BOLL: variants seen among roughly 807,000 people sequenced by gnomAD.
The protein encoded by BOLL is boule RNA binding protein, also known as protein boule-like.
In BOLL, 23 loss-of-function variants were observed where a neutral mutation model predicts 44.4. The observed-to-expected ratio is 0.52, with a 90% CI of 0.37 to 0.73. BOLL has a LOEUF of 0.73. Among genes scored for constraint, BOLL ranks in the 30% least tolerant of loss-of-function variants. BOLL has a pLI of 0.00. For synonymous variants in BOLL, 97 were observed against 110.8 expected (o/e 0.88, Z 0.78); for missense variants, 287 against 338.3 (o/e 0.85, Z 1.19).
intron 9 of BOLL, among the ~76,000 whole-genome samples, chr2:197,752,406 A>AT (rs757770593): frequency 5.0e-4 from 76 of 152,318 alleles, no homozygotes; most frequent in Admixed American, 9.8e-4. Flanking sequence ...AAACCCCATC[A>AT]TCTCAGCCCC....
intron 9 of BOLL, among the ~76,000 whole-genome samples, chr2:197,754,709 G>A (rs1308748393): frequency 5.5e-5 from 8 of 146,188 alleles, no homozygotes; most frequent in East Asian, 2.0e-4. Flanking sequence ...GCAAGACTCC[G>A]TCTCAAAAAA....
chr2:197,761,313 G>T (rs1360905907), intron 7 of BOLL, among the ~76,000 whole-genome samples: 2 of 152,056 alleles, frequency 1.3e-5, no homozygotes, highest in Admixed American at 1.3e-4. Context: ...TCATAGACAA[G>T]CAAAAACTGA....
Position 197,756,423 on chromosome 2 carries a change from C to T in BOLL, c.729+5G>A, listed in dbSNP as rs775371078. On this transcript the variant is annotated splice_donor_5th_base_variant and intron_variant, in intron 9 of 10. Transcript: ENST00000392296. Reference sequence around the variant, plus strand: ...TAGATCAATTACTTTAAGACTAATACATACCTCTGGAACTGAAGTTTCCAT... The same window carrying T: ...TAGATCAATTACTTTAAGACTAATATATACCTCTGGAACTGAAGTTTCCAT... 1.9e-6 allele frequency: 3 copies of T among 1,601,234 alleles called. No individual in the cohort carries two copies. In the South Asian group the frequency reaches 3.4e-5, roughly 18 times the overall value.
intron 5 of BOLL, chr2:197,774,931 T>C (rs1689440772): frequency 1.3e-5 from 2 of 151,946 alleles, no homozygotes. Flanking sequence ...TGTTAACAGA[T>C]TATATATAAT....
At chr2:197,732,851 ATC>A in intron 10 of BOLL, among the ~76,000 whole-genome samples, 2 of 142,926 alleles carry the variant, frequency 1.4e-5, no homozygotes, top group Non-Finnish European at 3.1e-5. Flanking sequence ...CACAGCCAAT[ATC>A]ATACTGAATG....
chr2:197,756,641 T>C, intron 8 of BOLL, 85 bp from the exon 9 acceptor site: 7 of 1,302,644 alleles, frequency 5.4e-6, no homozygotes, highest in Non-Finnish European at 7.1e-6. Flanking sequence ...ATGAGAGAAG[T>C]ACTTGTTTTT....
chr2:197,766,746 T>A lies in BOLL; in HGVS notation c.481-143A>T, dbSNP rs999755891. The A allele has an allele frequency of 8.1e-6, 5 of 615,676 alleles. No individual in the cohort carries two copies. The Admixed American group carries it at 1.5e-4, about 18-fold the overall frequency. 38.1% of individuals were successfully genotyped at this position (615,676 alleles called of 1,614,324 possible). On this transcript the variant is annotated intron_variant, in intron 6 of 10. Transcript: ENST00000392296. Reference sequence around the variant, plus strand: ...ATTTTTCTACCTCTTATTGATATGATTACCAACTCTACTAAGTCTATTAAA... The same window carrying A: ...ATTTTTCTACCTCTTATTGATATGAATACCAACTCTACTAAGTCTATTAAA...
intron 5 of BOLL, 39 bp downstream of exon 5, chr2:197,775,626 G>A (rs1689475591): frequency 4.8e-6 from 6 of 1,260,432 alleles, no homozygotes; most frequent in African/African-American, 3.1e-5. Flanking sequence ...AAAGAACCAT[G>A]CAAAAATATT....
intron 6 of BOLL, among the ~76,000 whole-genome samples, chr2:197,770,495 T>C (rs1396754405): frequency 6.6e-6 from 1 of 152,030 alleles, no homozygotes; most frequent in Non-Finnish European, 1.5e-5. Context: ...AATTGACAAA[T>C]GGGATCTAAT....
At chr2:197,785,334 C>T, upstream of BOLL, 3 of 985,890 alleles carry the variant, frequency 3.0e-6, no homozygotes, top group Non-Finnish European at 3.6e-6. This position sits in a 1 kb window ranked among gnomAD's most constrained non-coding sequence, Gnocchi z 6.7. Context: ...CCCACCCTCG[C>T]GCGGCGCTCC....
chr2:197,766,321 A>C (rs1250534007), intron 7 of BOLL, among the ~76,000 whole-genome samples: 2 of 152,124 alleles, frequency 1.3e-5, no homozygotes, highest in African/African-American at 2.4e-5. Flanking sequence ...TATTCTCTGT[A>C]ACCTCGCCAG....
chr2:197,765,886 T>A (rs1424014340), intron 7 of BOLL, among the ~76,000 whole-genome samples: 1 of 151,614 alleles, frequency 6.6e-6, no homozygotes, highest in African/African-American at 2.4e-5. Context: ...TACTGTTCCC[T>A]TCTTTACGTT....
intron 10 of BOLL, among the ~76,000 whole-genome samples, chr2:197,729,250 T>G (rs2106303385): frequency 1.3e-5 from 2 of 152,142 alleles, no homozygotes; most frequent in Non-Finnish European, 2.9e-5. Flanking sequence ...TACTGCGCTT[T>G]TCCGACGGGC....
rs768964464 is a variant in BOLL, at chr2:197,743,166, C to CA, written c.730-8dup. The CA allele has an allele frequency of 1.9e-6, 3 of 1,557,496 alleles. No homozygotes were observed. The highest frequency in any genetic ancestry group is 2.0e-5 in the Admixed American group (1 of 50,318). ...CTCCATGATCAGAATAAGGCTATTA[C>CA]AAAAAAAGAGAGAAAAAATGTCACC... On this transcript the variant is annotated splice_region_variant and splice_polypyrimidine_tract_variant and intron_variant, in intron 9 of 10. Transcript: ENST00000392296.
rs967060873 is a variant in BOLL at position 197,728,404 on chromosome 2, T to A, written c.*151A>T. ...CAAATTTCATCAAATTTAGACAGCT[T>A]ATAGTGGAATAACTGAGTATGGTGA... On this transcript the variant is annotated 3_prime_UTR_variant, in exon 11 of 11. Coordinates refer to ENST00000392296, the MANE Select transcript of BOLL (RefSeq NM_033030.6). The A allele has an allele frequency of 7.7e-5, 96 of 1,253,222 alleles. No individual in the cohort carries two copies. In the African/African-American group the frequency reaches 9.5e-4, roughly 12 times the overall value. 77.6% of individuals were successfully genotyped at this position (1,253,222 alleles called of 1,614,324 possible).
chr2:197,763,973 A>G (rs138834823), intron 7 of BOLL, among the ~76,000 whole-genome samples: 176 of 152,370 alleles, frequency 1.2e-3, no homozygotes, highest in African/African-American at 3.5e-3. Context: ...GAAACTGTAA[A>G]TCAAAACCAC....
rs1443778751 is a variant in BOLL at position 197,727,630 on chromosome 2, C to T, written c.*925G>A. ...CAATTGTCCTTTTAAAAATTAATCACATATATAATTGAATATATTGGTTGC... is the reference window on the plus strand; with the variant it reads ...CAATTGTCCTTTTAAAAATTAATCATATATATAATTGAATATATTGGTTGC... On this transcript the variant is annotated 3_prime_UTR_variant, in exon 11 of 11. Transcript: ENST00000392296. The T allele has an allele frequency of 2.0e-5, 3 of 152,186 alleles. No individual in the cohort carries two copies. The highest frequency in any genetic ancestry group is 4.4e-5 in the Non-Finnish European group (3 of 68,018). 9.4% of individuals were successfully genotyped at this position (152,186 alleles called of 1,614,324 possible). A position where few individuals can be genotyped will look rare whatever the true frequency, so the allele number is the denominator to read the frequency against.
intron 9 of BOLL, among the ~76,000 whole-genome samples, chr2:197,752,336 A>G (rs1473239083): frequency 6.6e-6 from 1 of 152,212 alleles, no homozygotes; most frequent in African/African-American, 2.4e-5. Flanking sequence ...AGTGTATTCA[A>G]ATAGGAAGAC....
At chr2:197,747,188 A>G (rs1252358369) in intron 9 of BOLL, among the ~76,000 whole-genome samples, 1 of 152,176 alleles carries the variant, frequency 6.6e-6, no homozygotes, top group Non-Finnish European at 1.5e-5. Flanking sequence ...CAGTGTGTAC[A>G]TATATCCAAC....
Sources: allele counts gnomAD v4.1 joint callset (sites outside exome capture counted in the v4.1 genomes callset), GRCh38; gene constraint gnomAD v4.1.1; non-coding constraint Gnocchi (gnomAD v3.1); transcripts MANE v1.5; gene names NCBI Gene and HGNC (gene_info 2026-07-23, HGNC 2026-07-21).